Variants in EML6 observed in about 807,000 individuals in gnomAD.
EML6 encodes the protein echinoderm microtubule-associated protein-like 6.
In EML6, 154 loss-of-function variants were observed where a neutral mutation model predicts 240.1. The ratio of observed to expected loss-of-function variants is 0.64; its 90% CI spans 0.56 to 0.73. The LOEUF (loss-of-function observed/expected upper bound fraction) is 0.73, where lower values mean the gene tolerates loss of function less well. EML6 is among the 30% of genes least tolerant of loss of function. The probability of loss-of-function intolerance (pLI) is 0.00; values close to 1 mark genes in which losing one functional copy is unlikely to be tolerated. For synonymous variants in EML6, 1,148 were observed against 899.0 expected (o/e 1.28, Z -4.95); for missense variants, 2,964 against 2,474.6 (o/e 1.20, Z -4.20).
chr2:54,827,425 G>A (rs1349777143), intron 5 of EML6, 141 bp from the exon 6 acceptor site: 2 of 666,880 alleles, frequency 3.0e-6, no homozygotes, highest in Non-Finnish European at 5.1e-6. Context: ...ATGTTGTTAT[G>A]TTACAGCAAA....
intron 25 of EML6, among the ~76,000 whole-genome samples, chr2:54,914,852 T>C (rs4671993): frequency 0.071 from 10,820 of 152,224 alleles, 665 homozygotes; most frequent in South Asian, 0.21. Flanking sequence ...TGTTAAAATA[T>C]GACAAATGTT....
intron 2 of EML6, among the ~76,000 whole-genome samples, chr2:54,745,274 G>A (rs1423729058): frequency 1.3e-5 from 2 of 152,312 alleles, no homozygotes; most frequent in East Asian, 1.9e-4. Context: ...TTCCCAAGGA[G>A]GGAACAGGTT....
chr2:54,805,808 C>T (rs1670439849), intron 2 of EML6, among the ~76,000 whole-genome samples: 1 of 152,006 alleles, frequency 6.6e-6, no homozygotes, highest in Non-Finnish European at 1.5e-5. Context: ...AGCTCTTATA[C>T]TTTTTGAGTT....
At chr2:54,866,580 C>A (rs1670981567) in intron 13 of EML6, among the ~76,000 whole-genome samples, 186 bp from the exon 14 acceptor site, 1 of 151,820 alleles carries the variant, frequency 6.6e-6, no homozygotes, top group Non-Finnish European at 1.5e-5. Flanking sequence ...TTTAAAATCC[C>A]AATTATTTAA....
chr2:54,856,747 G>A (rs1670403503), intron 11 of EML6, among the ~76,000 whole-genome samples: 1 of 152,210 alleles, frequency 6.6e-6, no homozygotes, highest in Admixed American at 6.5e-5. Context: ...CTAGAAATCA[G>A]AGTCGTCTTC....
intron 12 of EML6, among the ~76,000 whole-genome samples, chr2:54,861,861 T>C (rs1670691039): frequency 1.3e-5 from 2 of 149,984 alleles, no homozygotes; most frequent in South Asian, 2.2e-4. Context: ...GAGCAAGACA[T>C]CTCCAGAAAG....
At chr2:54,752,555 T>C (rs902483755) in intron 2 of EML6, among the ~76,000 whole-genome samples, 10 of 152,202 alleles carry the variant, frequency 6.6e-5, no homozygotes, top group African/African-American at 2.4e-4. Flanking sequence ...TAAAATATGT[T>C]CTCTTTTGTG....
At chr2:54,954,213 C>T (rs1676123445) in intron 32 of EML6, 57 bp downstream of exon 32, 4 of 1,481,734 alleles carry the variant, frequency 2.7e-6, no homozygotes, top group Non-Finnish European at 2.7e-6. Flanking sequence ...GGTGTCGAGC[C>T]TGTGGGCTCG....
At chr2:54,902,971 C>A in intron 22 of EML6, 73 bp from the exon 23 acceptor site, 1 of 1,382,976 alleles carries the variant, frequency 7.2e-7, no homozygotes, top group African/African-American at 1.4e-5. Context: ...CATCAGATTT[C>A]TTCATCTTTT....
At chr2:54,966,871 C>T in intron 38 of EML6, 129 bp from the exon 39 acceptor site, 3 of 588,546 alleles carry the variant, frequency 5.1e-6, no homozygotes, top group East Asian at 6.0e-5. Flanking sequence ...CAGCCTGGAG[C>T]TGAGCTTGGG....
chr2:54,920,333 T>A lies in EML6; in HGVS notation c.3675+3398T>A, dbSNP rs573422938. 2.6e-3 allele frequency among the ~76,000 whole-genome samples: 393 copies of A among 152,292 alleles called. 1 individual carries two copies. The highest frequency in any genetic ancestry group is 4.4e-3 in the Non-Finnish European group (296 of 68,006). ...ATTATAAATGAAAGATGAGACATTA[T>A]AACTGATACTGTAGAAATACAAAGG... On this transcript the variant is annotated intron_variant, in intron 26 of 41. Coordinates refer to ENST00000356458, the MANE Select transcript of EML6 (RefSeq NM_001039753.4).
chr2:54,817,178 T>A (rs181308835), intron 4 of EML6, among the ~76,000 whole-genome samples: 3 of 152,350 alleles, frequency 2.0e-5, no homozygotes, highest in East Asian at 3.9e-4. Context: ...TATGTGTAGT[T>A]TAGATGTATT....
rs1343960864 is a variant in EML6 at position 54,850,115 on chromosome 2, C to A, written c.1341C>A (p.Cys447Ter). The change falls in exon 10 of 42, where the codon TGC becomes TGA. Residue 447 changes from cysteine (C) to a stop codon, truncating the protein, a stop_gained. Coordinates refer to ENST00000356458, the MANE Select transcript of EML6 (RefSeq NM_001039753.4). LOFTEE classifies it high-confidence loss of function. ...AGAGGTATAAGAAAATTGGAGAATGCAGCAAGTCCCTTAGTTTCATCACGC... is the reference window on the plus strand; with the variant it reads ...AGAGGTATAAGAAAATTGGAGAATGAAGCAAGTCCCTTAGTTTCATCACGC... ...VAQRYKKIGE[C>*]SKSLSFITHI... 1.9e-6 allele frequency: 3 copies of A among 1,551,886 alleles called. No individual in the cohort carries two copies. The highest frequency in any genetic ancestry group is 2.6e-6 in the Non-Finnish European group (3 of 1,147,030).
chr2:54,823,043 G>GCATA (rs1668401638), intron 5 of EML6, among the ~76,000 whole-genome samples: 1 of 152,180 alleles, frequency 6.6e-6, no homozygotes, highest in Non-Finnish European at 1.5e-5. Flanking sequence ...GCTTGGTACA[G>GCATA]CATACCTGAA....
At chr2:54,878,256 G>A (rs1314343516) in intron 16 of EML6, among the ~76,000 whole-genome samples, 1 of 152,146 alleles carries the variant, frequency 6.6e-6, no homozygotes, top group Non-Finnish European at 1.5e-5. Context: ...TACCGGTTGG[G>A]ACCTCCGAGT....
At chr2:54,929,496 G>T (rs1448836971) in intron 28 of EML6, among the ~76,000 whole-genome samples, 1 of 152,172 alleles carries the variant, frequency 6.6e-6, no homozygotes, top group Non-Finnish European at 1.5e-5. Flanking sequence ...GAATTTCGTG[G>T]ATCTCAAAGA....
At chr2:54,882,813 A>G (rs1011059243) in intron 17 of EML6, 10 of 133,204 alleles carry the variant, frequency 7.5e-5, no homozygotes, top group Non-Finnish European at 1.6e-4. Context: ...AGCCGAGATC[A>G]CGGCACTGCA....
chr2:54,790,428 G>A (rs1669370562), intron 2 of EML6, among the ~76,000 whole-genome samples: 2 of 152,172 alleles, frequency 1.3e-5, no homozygotes, highest in South Asian at 4.1e-4. Flanking sequence ...CTGAATTGCA[G>A]AGTAAGTTTA....
At chr2:54,848,694 C>T (rs1461197285) in intron 9 of EML6, among the ~76,000 whole-genome samples, 1 of 152,160 alleles carries the variant, frequency 6.6e-6, no homozygotes, top group Non-Finnish European at 1.5e-5. Context: ...ATGAAGCCAT[C>T]TTTACTGGCT....
Sources: gnomAD v4.1 joint callset for allele counts (sites outside exome capture counted in the v4.1 genomes callset) on GRCh38, gnomAD v4.1.1 for gene constraint, MANE v1.5 for transcripts, NCBI Gene and HGNC (gene_info 2026-07-23, HGNC 2026-07-21) for gene names.